The following LARGE1 variants were observed in gnomAD, a reference collection of about 807,000 sequenced individuals.
LARGE1 encodes the protein LARGE xylosyl- and glucuronyltransferase 1, also known as xylosyl- and glucuronyltransferase LARGE1.
In LARGE1, 43 loss-of-function variants were observed where a neutral mutation model predicts 87.6. The ratio of observed to expected loss-of-function variants is 0.49; its 90% confidence interval spans 0.38 to 0.63. The LOEUF is 0.63. LARGE1 is among the 30% of genes least tolerant of loss of function. The probability of loss-of-function intolerance (pLI) is 0.00; values close to 1 mark genes in which losing one functional copy is unlikely to be tolerated. For synonymous variants in LARGE1, 434 were observed against 394.6 expected (o/e 1.10, Z -1.18); for missense variants, 802 against 1,000.2 (o/e 0.80, Z 2.67).
rs77143316 is a variant in LARGE1 at position 33,472,552 on chromosome 22, T to G, written c.788-40287A>C. ...CCATTGGCTAAATTTAGAGGTGAGG[T>G]CAAGGGATGATCAACATTCTGCACT... On this transcript the variant is annotated intron_variant, in intron 6 of 14. Transcript: ENST00000397394. Among the ~76,000 whole-genome samples the G allele has an allele frequency of 5.2e-3, 788 of 151,970 alleles. 7 individuals carry two copies. The highest frequency in any genetic ancestry group is 0.018 in the African/African-American group (733 of 41,484).
At chr22:33,687,761 G>A (rs1471492050) in intron 2 of LARGE1, among the ~76,000 whole-genome samples, 1 of 152,150 alleles carries the variant, frequency 6.6e-6, no homozygotes, top group African/African-American at 2.4e-5. Flanking sequence ...GGTGGGAGGT[G>A]GGAAGAGAAC....
chr22:33,766,929 T>C (rs1411050076), intron 1 of LARGE1, among the ~76,000 whole-genome samples: 215 of 11,426 alleles, frequency 0.019, 4 homozygotes, highest in African/African-American at 0.081. Context: ...TATATATATA[T>C]ATATATATAT....
At chr22:33,836,891 CAG>C (rs2063123211) in intron 1 of LARGE1, among the ~76,000 whole-genome samples, 1 of 151,752 alleles carries the variant, frequency 6.6e-6, no homozygotes, top group African/African-American at 2.4e-5. Context: ...TCACAAGAAA[CAG>C]AGACTCAATA....
chr22:33,346,311 T>G (rs1939755706), intron 9 of LARGE1, among the ~76,000 whole-genome samples: 1 of 151,724 alleles, frequency 6.6e-6, no homozygotes, highest in East Asian at 1.9e-4. Flanking sequence ...CTTTTTCTTT[T>G]TTTTTTCTGA....
At chr22:33,514,238 T>C (rs1437968295) in intron 6 of LARGE1, among the ~76,000 whole-genome samples, 1 of 151,536 alleles carries the variant, frequency 6.6e-6, no homozygotes, top group East Asian at 2.0e-4. Flanking sequence ...TGTGTGTGTA[T>C]ACATCTCACA....
Position 33,274,542 on chromosome 22 carries a change from G to A in LARGE1, c.2156C>T (p.Ser719Phe). Residue 719 changes from serine to phenylalanine, a missense_variant, in exon 15 of 15, where the codon TCC (serine) becomes TTC (phenylalanine). By Grantham distance (155) the Ser-to-Phe change is radical (BLOSUM62 -2). This residue lies in a region of LARGE1 where 625 missense variants were observed against 841.9 expected (regional missense o/e 0.74). Coordinates refer to ENST00000397394, the MANE Select transcript of LARGE1 (RefSeq NM_133642.5). The stretch of plus-strand genomic sequence containing the variant: ...GAGACAGATGCGGTATTGCTTGTTG[G>A]AACGGAACTTGGTAATGTCGAAGCT... ...APSFDITKFR[S>F]NKQYRICLKT... is the part of the protein sequence containing the mutation. The A allele has an allele frequency of 6.2e-7, 1 of 1,614,148 alleles. No homozygotes were observed. Among genetic ancestry groups the A allele is most frequent in the Non-Finnish European group, 8.5e-7 (1 of 1,180,028 alleles).
At chr22:33,760,528 G>A (rs1014434865) in intron 2 of LARGE1, among the ~76,000 whole-genome samples, 5 of 152,196 alleles carry the variant, frequency 3.3e-5, no homozygotes, top group Admixed American at 1.3e-4. Flanking sequence ...AACGTGCCGC[G>A]ATCATTTCTT....
chr22:33,672,510 T>C (rs752532707), intron 2 of LARGE1, among the ~76,000 whole-genome samples: 5 of 152,194 alleles, frequency 3.3e-5, no homozygotes, highest in Admixed American at 6.5e-5. Context: ...CCAGGGTCTG[T>C]CTGCCTGTAG....
At chr22:33,870,370 A>T (rs1200294435) in intron 1 of LARGE1, among the ~76,000 whole-genome samples, 1 of 152,176 alleles carries the variant, frequency 6.6e-6, no homozygotes, top group Non-Finnish European at 1.5e-5. Context: ...TCGGAAACTG[A>T]TACAGTCCTC....
At chr22:33,071,311 G>A in the LARGE1 span, among the ~76,000 whole-genome samples, 1 of 152,180 alleles carries the variant, frequency 6.6e-6, no homozygotes, top group Non-Finnish European at 1.5e-5. Flanking sequence ...GAAATACAGT[G>A]TCTGGATTTG....
intron 9 of LARGE1, among the ~76,000 whole-genome samples, chr22:33,357,335 C>T (rs1280932205): frequency 6.7e-6 from 1 of 148,802 alleles, no homozygotes; most frequent in Admixed American, 6.7e-5. Context: ...GAATAACAGA[C>T]ATTGGAGACT....
At chr22:33,292,546 T>C (rs1472853771) in intron 12 of LARGE1, among the ~76,000 whole-genome samples, 1 of 152,098 alleles carries the variant, frequency 6.6e-6, no homozygotes, top group Non-Finnish European at 1.5e-5. Context: ...GATGCCAGGC[T>C]TACATGTCGA....
chr22:33,310,148 T>C (rs77432192), intron 11 of LARGE1, among the ~76,000 whole-genome samples: 12,058 of 152,132 alleles, frequency 0.079, 509 homozygotes, highest in South Asian at 0.16. Flanking sequence ...AATCTGTATT[T>C]CTGACAAGCT....
intron 11 of LARGE1, among the ~76,000 whole-genome samples, chr22:33,266,495 A>T (rs1321661913): frequency 6.6e-6 from 1 of 151,768 alleles, no homozygotes; most frequent in African/African-American, 2.4e-5. Flanking sequence ...AAGTGCTGGG[A>T]TTACAGGCAT....
chr22:33,744,667 T>C (rs1315925187), intron 2 of LARGE1, among the ~76,000 whole-genome samples: 3 of 152,174 alleles, frequency 2.0e-5, no homozygotes, highest in Non-Finnish European at 4.4e-5. Flanking sequence ...TGGATGGCTC[T>C]GCCACGCTCA....
the LARGE1 span, among the ~76,000 whole-genome samples, chr22:33,073,166 G>T: frequency 6.6e-6 from 1 of 152,188 alleles, no homozygotes. Context: ...TTCAGGAAAA[G>T]ACAGAGGATT....
chr22:33,601,307 A>G (rs2079106938), intron 5 of LARGE1, among the ~76,000 whole-genome samples: 1 of 152,054 alleles, frequency 6.6e-6, no homozygotes, highest in African/African-American at 2.4e-5. Flanking sequence ...AGGTAGGTGT[A>G]GGGGAGGTGG....
intron 4 of LARGE1, among the ~76,000 whole-genome samples, chr22:33,625,591 C>T (rs1163423497): frequency 1.3e-5 from 2 of 152,186 alleles, no homozygotes; most frequent in African/African-American, 2.4e-5. Flanking sequence ...AAAACACCAC[C>T]GACTAGGTGG....
chr22:33,712,885 T>G (rs1390111995), intron 2 of LARGE1, among the ~76,000 whole-genome samples: 1 of 152,144 alleles, frequency 6.6e-6, no homozygotes, highest in Non-Finnish European at 1.5e-5. Flanking sequence ...CTGCATAATC[T>G]TTGTACTCAC....
Sources: allele counts gnomAD v4.1 joint callset (sites outside exome capture counted in the v4.1 genomes callset), GRCh38; gene constraint gnomAD v4.1.1; regional missense constraint gnomAD v4.1.1; transcripts MANE v1.5; gene names NCBI Gene and HGNC (gene_info 2026-07-23, HGNC 2026-07-21).